CLVS1: variants seen among roughly 807,000 people sequenced by gnomAD.
CLVS1 encodes the protein clavesin-1.
A neutral mutation model predicts 33.1 loss-of-function variants in CLVS1; 10 were observed. That is an observed-to-expected ratio of 0.30 (90% CI 0.19 to 0.51). The LOEUF is 0.51. Ranked by LOEUF, CLVS1 falls within the 20% of genes least tolerant of loss-of-function variation. The pLI, the probability that CLVS1 is intolerant of heterozygous loss-of-function variation, is 0.97. For synonymous variants in CLVS1, 163 were observed against 166.1 expected (o/e 0.98, Z 0.14); for missense variants, 343 against 433.4 (o/e 0.79, Z 1.85).
intron 2 of CLVS1, among the ~76,000 whole-genome samples, chr8:61,173,125 G>A (rs1326344265): frequency 6.6e-6 from 1 of 152,012 alleles, no homozygotes; most frequent in East Asian, 1.9e-4. Flanking sequence ...CATCTTTTCA[G>A]TTCCTTCTTT....
At chr8:61,358,970 A>G (rs1403463178) in intron 2 of CLVS1, among the ~76,000 whole-genome samples, 1 of 152,158 alleles carries the variant, frequency 6.6e-6, no homozygotes, top group East Asian at 1.9e-4. Flanking sequence ...AATTTGTATT[A>G]TTATAATTTA....
intron 2 of CLVS1, among the ~76,000 whole-genome samples, chr8:61,265,863 G>T (rs1255559253): frequency 6.6e-6 from 1 of 152,082 alleles, no homozygotes; most frequent in Non-Finnish European, 1.5e-5. Flanking sequence ...TGCCATGATT[G>T]CTCCTGTGCA....
chr8:61,242,630 A>G (rs575787957), intron 2 of CLVS1, among the ~76,000 whole-genome samples: 2 of 152,182 alleles, frequency 1.3e-5, no homozygotes, highest in Non-Finnish European at 2.9e-5. Context: ...TCTCTACAAA[A>G]AATAAAAAAT....
At chr8:61,099,409 T>C (rs924119114) in intron 1 of CLVS1, among the ~76,000 whole-genome samples, 4 of 152,206 alleles carry the variant, frequency 2.6e-5, no homozygotes, top group African/African-American at 7.2e-5. Context: ...GATTCATTTA[T>C]TTATTTAACA....
At chr8:61,413,252 G>T (rs1585935338) in intron 3 of CLVS1, among the ~76,000 whole-genome samples, 1 of 152,300 alleles carries the variant, frequency 6.6e-6, no homozygotes, top group African/African-American at 2.4e-5. Flanking sequence ...ATATGCTACA[G>T]TAATATTCAC....
chr8:61,453,486 C>G (rs528295413), intron 3 of CLVS1, among the ~76,000 whole-genome samples: 1 of 152,190 alleles, frequency 6.6e-6, no homozygotes, highest in Non-Finnish European at 1.5e-5. Context: ...CCTCAACTAG[C>G]GGAATCAGCT....
intron 3 of CLVS1, among the ~76,000 whole-genome samples, chr8:61,436,446 G>A (rs529667201): frequency 3.9e-5 from 6 of 152,218 alleles, no homozygotes; most frequent in South Asian, 2.1e-4. Flanking sequence ...GTCAACGACC[G>A]TCACATGGCC....
chr8:61,377,583 C>T (rs935429897), intron 3 of CLVS1: 1 of 152,140 alleles, frequency 6.6e-6, no homozygotes. Context: ...ATGTATATAG[C>T]AAAATATGAC....
At chr8:61,439,032 T>C (rs1157277620) in intron 3 of CLVS1, among the ~76,000 whole-genome samples, 1 of 152,236 alleles carries the variant, frequency 6.6e-6, no homozygotes, top group African/African-American at 2.4e-5. Context: ...TAAAGATATT[T>C]GTGTGATTCA....
rs148529931 is a variant in CLVS1, at chr8:61,308,067, A to G, written c.455+7785A>G. On this transcript the variant is annotated intron_variant, in intron 2 of 5. Coordinates refer to ENST00000325897, the MANE Select transcript of CLVS1 (RefSeq NM_173519.3). ...TGCTCAGACCAATCAGATTTCTCAG[A>G]GGAAGAACCTTAAGTTGGCTGCTGG... 1.4e-3 allele frequency among the ~76,000 whole-genome samples: 218 copies of G among 152,344 alleles called. 2 individuals carry two copies. Among genetic ancestry groups the G allele is most frequent in the African/African-American group, 4.0e-3 (165 of 41,588 alleles).
intron 3 of CLVS1, among the ~76,000 whole-genome samples, chr8:61,451,878 G>C (rs1816976796): frequency 6.6e-6 from 1 of 151,292 alleles, no homozygotes; most frequent in African/African-American, 2.4e-5. Flanking sequence ...GCTCATTCAA[G>C]AAGACCCAGA....
chr8:61,065,914 A>G (rs1000956173), intron 1 of CLVS1, among the ~76,000 whole-genome samples: 4 of 152,262 alleles, frequency 2.6e-5, no homozygotes, highest in African/African-American at 9.6e-5. Context: ...CAGGCAGTAG[A>G]TCAATACACA....
At chr8:61,463,404 A>G (rs184330772) in intron 5 of CLVS1, among the ~76,000 whole-genome samples, 27 of 152,312 alleles carry the variant, frequency 1.8e-4, no homozygotes, top group Admixed American at 1.6e-3. Context: ...TAACTGTTTC[A>G]TGCAAGAGGC....
chr8:61,004,517 A>C, the CLVS1 span, among the ~76,000 whole-genome samples: 1 of 152,324 alleles, frequency 6.6e-6, no homozygotes, highest in East Asian at 1.9e-4. Flanking sequence ...CCTGGTCTTT[A>C]AAAATGTAAG....
intron 1 of CLVS1, among the ~76,000 whole-genome samples, chr8:61,298,912 C>T (rs1810320842): frequency 1.3e-5 from 2 of 151,910 alleles, no homozygotes; most frequent in African/African-American, 4.8e-5. Context: ...ATTTTTAAGC[C>T]CATATGGACA....
At chr8:61,272,565 C>G (rs997758895) in intron 2 of CLVS1, among the ~76,000 whole-genome samples, 50 of 152,264 alleles carry the variant, frequency 3.3e-4, no homozygotes, top group African/African-American at 1.2e-3. Context: ...GGGAAGTTCT[C>G]CTGGATAATA....
chr8:61,024,860 T>C, the CLVS1 span, among the ~76,000 whole-genome samples: 7 of 152,004 alleles, frequency 4.6e-5, no homozygotes, highest in South Asian at 2.1e-4. Flanking sequence ...TTCTTTCTTT[T>C]TTTTTTTTAG....
At chr8:61,275,021 T>G (rs1404838503) in intron 2 of CLVS1, among the ~76,000 whole-genome samples, 1 of 151,964 alleles carries the variant, frequency 6.6e-6, no homozygotes, top group Non-Finnish European at 1.5e-5. Context: ...TATAAATTGC[T>G]CAGATGCTGG....
intron 2 of CLVS1, among the ~76,000 whole-genome samples, chr8:61,244,799 C>T (rs1808773247): frequency 1.3e-5 from 2 of 151,990 alleles, no homozygotes; most frequent in Non-Finnish European, 2.9e-5. Context: ...TAAAACTGCT[C>T]TTAAAAATTT....
Sources: gnomAD v4.1 joint callset for allele counts (sites outside exome capture counted in the v4.1 genomes callset) on GRCh38, gnomAD v4.1.1 for gene constraint, MANE v1.5 for transcripts, NCBI Gene and HGNC (gene_info 2026-07-23, HGNC 2026-07-21) for gene names.